Variants in HHLA1 observed in about 807,000 individuals in gnomAD.
HHLA1 encodes HHLA1 neighbor of OC90.
Under a neutral mutation model 69.9 loss-of-function variants are expected in HHLA1, and 72 were observed. That is an observed-to-expected ratio of 1.03 (90% CI 0.85 to 1.25). The LOEUF is 1.25. Among genes scored for constraint, HHLA1 ranks in the 50% most tolerant of loss-of-function variants. HHLA1 has a pLI of 0.00. For synonymous variants in HHLA1, 252 were observed against 233.2 expected, an observed-to-expected ratio of 1.08 and a Z score of -0.73; for missense variants, 685 against 642.2, an observed-to-expected ratio of 1.07 and a Z score of -0.72.
chr8:132,080,012 G>C, intron 10 of HHLA1, 46 bp from the exon 11 acceptor site: 2 of 1,551,432 alleles, frequency 1.3e-6, no homozygotes, highest in Non-Finnish European at 1.7e-6. Context: ...TTGACACTTT[G>C]GGCATAAAAA....
intron 7 of HHLA1, among the ~76,000 whole-genome samples, chr8:132,092,762 G>A (rs1823965751): frequency 6.6e-6 from 1 of 152,106 alleles, no homozygotes; most frequent in African/African-American, 2.4e-5. Context: ...CCCAGTTTCA[G>A]GTATTTCTTT....
intron 15 of HHLA1, chr8:132,070,369 T>G (rs1823512132): frequency 1.4e-6 from 1 of 701,936 alleles, no homozygotes; most frequent in Admixed American, 2.0e-5. Flanking sequence ...TTGGTAGGGA[T>G]TTATGAAAGA....
chr8:132,062,513 A>C lies in HHLA1; in HGVS notation c.*1482T>G, dbSNP rs1369880079. 6.6e-6 allele frequency: 1 copy of C among 152,006 alleles called. No homozygotes were observed. The highest frequency in any genetic ancestry group is 1.5e-5 in the Non-Finnish European group (1 of 68,026). The allele number at this position is 152,006 out of a possible 1,614,324, so 9.4% of individuals were successfully genotyped here. On this transcript the variant is annotated 3_prime_UTR_variant, in exon 17 of 17. Transcript: ENST00000414222. ...TAGGTCACAAAAGGGTAAAAAAAAT[A>C]CTCATGGCCCAGCAGAGTCCTAAGG... is the stretch of plus-strand genomic sequence containing the variant.
chr8:132,065,480 C>T (rs1278899171), intron 16 of HHLA1, among the ~76,000 whole-genome samples: 1 of 152,196 alleles, frequency 6.6e-6, no homozygotes, highest in Non-Finnish European at 1.5e-5. Flanking sequence ...GACGGGGTTT[C>T]ACCATGTTAG....
intron 15 of HHLA1, chr8:132,069,841 C>T (rs958642938): frequency 1.3e-5 from 2 of 152,872 alleles, no homozygotes; most frequent in African/African-American, 4.8e-5. Context: ...ACAGCAGAGA[C>T]TCAATACACA....
chr8:132,095,247 A>G (rs1824003987), intron 7 of HHLA1, among the ~76,000 whole-genome samples: 1 of 152,212 alleles, frequency 6.6e-6, no homozygotes, highest in Admixed American at 6.5e-5. Context: ...TGAAAGTTTA[A>G]TTATGTGGGA....
chr8:132,068,093 A>G (rs1390755984), intron 15 of HHLA1, among the ~76,000 whole-genome samples: 1 of 152,246 alleles, frequency 6.6e-6, no homozygotes, highest in Non-Finnish European at 1.5e-5. Flanking sequence ...GAGGATATCA[A>G]GCAACTTTGG....
chr8:132,106,606 A>G (rs1214552509), intron 1 of HHLA1, among the ~76,000 whole-genome samples: 1 of 152,272 alleles, frequency 6.6e-6, no homozygotes, highest in African/African-American at 2.4e-5. Context: ...TGCCTGGCAC[A>G]TCGTTATGCT....
At chr8:132,080,089 A>G (rs937447782) in intron 10 of HHLA1, 123 bp from the exon 11 acceptor site, 19 of 1,309,916 alleles carry the variant, frequency 1.5e-5, no homozygotes, top group Non-Finnish European at 1.7e-5. Flanking sequence ...AATTAAAAGT[A>G]TCAGGCATTT....
intron 2 of HHLA1, 87 bp from the exon 3 acceptor site, chr8:132,104,254 G>A (rs911025044): frequency 2.2e-6 from 2 of 900,350 alleles, no homozygotes; most frequent in Non-Finnish European, 3.5e-6. Context: ...TTTTACAGAT[G>A]AGAGAATTAT....
intron 14 of HHLA1, among the ~76,000 whole-genome samples, chr8:132,071,984 G>C (rs1363709642): frequency 1.3e-5 from 2 of 152,086 alleles, no homozygotes; most frequent in Non-Finnish European, 2.9e-5. Context: ...ATATGTGTTT[G>C]CCTGTGTGTG....
Position 132,063,969 on chromosome 8 carries a change from T to C in HHLA1, c.*26A>G, listed in dbSNP as rs1563738166. The C allele has an allele frequency of 1.6e-6, 2 of 1,273,544 alleles. No homozygotes were observed. The highest frequency in any genetic ancestry group is 4.7e-5 in the Admixed American group (2 of 42,918). The allele number at this position is 1,273,544 out of a possible 1,614,324, so 78.9% of individuals were successfully genotyped here. ...ATGGCGTATCCCCTGAAGTAATTGT[T>C]ATGCCCTAGTGTTATTTTCAAGGCC... On this transcript the variant is annotated 3_prime_UTR_variant, in exon 17 of 17. Coordinates refer to ENST00000414222, the MANE Select transcript of HHLA1 (RefSeq NM_001145095.3).
intron 11 of HHLA1, 27 bp from the exon 12 acceptor site, chr8:132,077,998 G>C (rs1459619108): frequency 1.3e-6 from 2 of 1,549,402 alleles, no homozygotes; most frequent in Non-Finnish European, 1.7e-6. Context: ...ACAGTAACAG[G>C]GTACAGACAT....
rs1008424479 is a variant in HHLA1 at position 132,063,568 on chromosome 8, T to A, written c.*427A>T. On this transcript the variant is annotated 3_prime_UTR_variant, in exon 17 of 17. Coordinates refer to ENST00000414222, the MANE Select transcript of HHLA1 (RefSeq NM_001145095.3). ...TCAATATTAATTTATGCTTTTGTTGTCTTTCAAAAGTCTCAAGTTTAAGTC... is the reference window on the plus strand; with the variant it reads ...TCAATATTAATTTATGCTTTTGTTGACTTTCAAAAGTCTCAAGTTTAAGTC... The A allele has an allele frequency of 6.5e-6, 1 of 153,932 alleles. No individual in the cohort carries two copies. Among genetic ancestry groups the A allele is most frequent in the Non-Finnish European group, 1.4e-5 (1 of 69,004 alleles). 9.5% of individuals were successfully genotyped at this position (153,932 alleles called of 1,614,324 possible).
In HHLA1 at chr8:132,062,837, T is replaced by A. The variant is rs1359072953; in HGVS notation, c.*1158A>T. 1.3e-5 allele frequency: 2 copies of A among 152,298 alleles called. No individual in the cohort carries two copies. Among genetic ancestry groups the A allele is most frequent in the African/African-American group, 4.8e-5 (2 of 41,460 alleles). 9.4% of individuals were successfully genotyped at this position (152,298 alleles called of 1,614,324 possible). A position where few individuals can be genotyped will look rare whatever the true frequency, so the allele number is the denominator to read the frequency against. ...GAACATCTGGTCCTTGACCAGCTCCTGGGGAATCCCCTGTAAATCCTTGGA... is the reference window on the plus strand; with the variant it reads ...GAACATCTGGTCCTTGACCAGCTCCAGGGGAATCCCCTGTAAATCCTTGGA... On this transcript the variant is annotated 3_prime_UTR_variant, in exon 17 of 17. Coordinates refer to ENST00000414222, the MANE Select transcript of HHLA1 (RefSeq NM_001145095.3).
intron 3 of HHLA1, among the ~76,000 whole-genome samples, chr8:132,102,335 T>C (rs1824123079): frequency 6.6e-6 from 1 of 152,250 alleles, no homozygotes; most frequent in Admixed American, 6.5e-5. Flanking sequence ...CAATTTGGCC[T>C]TTTGCCAATT....
At chr8:132,097,458 A>G (rs890537885) in intron 5 of HHLA1, among the ~76,000 whole-genome samples, 6 of 152,294 alleles carry the variant, frequency 3.9e-5, no homozygotes, top group African/African-American at 1.4e-4. Context: ...CATCTAGAAA[A>G]TGGGAGTGAG....
intron 5 of HHLA1, 150 bp from the exon 6 acceptor site, chr8:132,095,936 AAAT>A: frequency 3.5e-6 from 2 of 565,966 alleles, no homozygotes; most frequent in Non-Finnish European, 6.1e-6. Flanking sequence ...TACAAATAAA[AAAT>A]AATAAACAAA....
chr8:132,105,653 A>AGAG (rs1336407680), intron 1 of HHLA1, among the ~76,000 whole-genome samples: 9 of 151,842 alleles, frequency 5.9e-5, no homozygotes, highest in African/African-American at 9.7e-5. Context: ...TTATGCACCA[A>AGAG]CTCTTAAGTG....
Sources: allele counts gnomAD v4.1 joint callset (sites outside exome capture counted in the v4.1 genomes callset), GRCh38; gene constraint gnomAD v4.1.1; transcripts MANE v1.5; gene names NCBI Gene and HGNC (gene_info 2026-07-23, HGNC 2026-07-21).